The following RAI2 variants were observed in gnomAD, a reference collection of about 807,000 sequenced individuals.
RAI2 encodes the protein retinoic acid induced 2.
Under a neutral mutation model 15.3 loss-of-function variants are expected in RAI2, and 5 were observed. The observed-to-expected ratio is 0.33, with a 90% confidence interval of 0.17 to 0.69. The LOEUF is 0.69. Ranked by LOEUF, RAI2 falls within the 30% of genes least tolerant of loss-of-function variation. The pLI, the probability that RAI2 is intolerant of heterozygous loss-of-function variation, is 0.69. For missense variants in RAI2, 424 were observed against 424.7 expected, an observed-to-expected ratio of 1.00 and a Z score of 0.01; for synonymous variants, 191 against 184.0, an observed-to-expected ratio of 1.04 and a Z score of -0.31.
intron 1 of RAI2, among the ~76,000 whole-genome samples, chrX:17,806,848 TGGCC>T (rs2066986851): frequency 9.0e-6 from 1 of 110,815 alleles, no homozygotes; most frequent in South Asian, 3.9e-4. Context: ...CATCTTCACG[TGGCC>T]GGCAAGAGGT....
At chrX:17,859,356 C>T (rs776170485) in intron 1 of RAI2, among the ~76,000 whole-genome samples, 73 of 112,050 alleles carry the variant, frequency 6.5e-4, no homozygotes, top group Non-Finnish European at 1.3e-3. Flanking sequence ...GCACAGAAAA[C>T]CTTGCCTGAT....
chrX:17,844,891 T>C (rs2067438944), intron 1 of RAI2, among the ~76,000 whole-genome samples: 1 of 112,104 alleles, frequency 8.9e-6, no homozygotes, highest in African/African-American at 3.2e-5. Context: ...CAATTTTGTG[T>C]ATGTATGTAA....
chrX:17,860,700 G>A (rs910678518), intron 1 of RAI2: 51 of 111,797 alleles, frequency 4.6e-4, no homozygotes, highest in African/African-American at 1.5e-3. Flanking sequence ...ACTGCCCGGT[G>A]CGGTGCCTGG....
At chrX:17,802,163 T>A in intron 1 of RAI2, 129 bp from the exon 2 acceptor site, 1 of 833,539 alleles carries the variant, frequency 1.2e-6, no homozygotes, top group Non-Finnish European at 1.6e-6. Flanking sequence ...TCTCTCTATG[T>A]ATATGTTCAG....
chrX:17,829,982 C>T (rs2067265289), intron 1 of RAI2, among the ~76,000 whole-genome samples: 1 of 112,674 alleles, frequency 8.9e-6, no homozygotes, highest in Admixed American at 9.4e-5. Flanking sequence ...CAGACAGCAC[C>T]CAGTACCCAG....
chrX:17,815,331 A>G (rs1169491472), intron 1 of RAI2, among the ~76,000 whole-genome samples: 6 of 72,948 alleles, frequency 8.2e-5, no homozygotes, highest in African/African-American at 1.9e-4. Flanking sequence ...GTGCACACAC[A>G]CACACACACA....
At chrX:17,802,238 A>G (rs774575765) in intron 1 of RAI2, among the ~76,000 whole-genome samples, 1 of 112,242 alleles carries the variant, frequency 8.9e-6, no homozygotes, top group Non-Finnish European at 1.9e-5. Context: ...GAGAACCCCA[A>G]TTTAACAGAT....
At chrX:17,836,689 A>C (rs957774103) in intron 1 of RAI2, among the ~76,000 whole-genome samples, 1 of 112,149 alleles carries the variant, frequency 8.9e-6, no homozygotes, top group Non-Finnish European at 1.9e-5. Flanking sequence ...TGAACCCCAA[A>C]CCAGGCGATG....
At chrX:17,851,064 T>C (rs1384330510) in intron 1 of RAI2, among the ~76,000 whole-genome samples, 1 of 112,613 alleles carries the variant, frequency 8.9e-6, no homozygotes, top group Non-Finnish European at 1.9e-5. Flanking sequence ...CTTGCAGTTT[T>C]GGCTGTAAGC....
intron 1 of RAI2, among the ~76,000 whole-genome samples, chrX:17,855,013 G>T (rs1262801332): frequency 9.0e-6 from 1 of 111,572 alleles, no homozygotes; most frequent in Non-Finnish European, 1.9e-5. Flanking sequence ...ACCCAGAAAT[G>T]ATGTGATGTG....
chrX:17,860,751 A>C (rs2067677962), intron 1 of RAI2: 1 of 109,799 alleles, frequency 9.1e-6, no homozygotes, highest in African/African-American at 3.3e-5. Flanking sequence ...GCCCGATGCC[A>C]GTGCGGGCGG....
At chrX:17,808,468 T>C (rs751104274) in intron 1 of RAI2, among the ~76,000 whole-genome samples, 2 of 111,545 alleles carry the variant, frequency 1.8e-5, no homozygotes, top group South Asian at 7.5e-4. Context: ...GATTTAATTA[T>C]TCTAGGATGC....
intron 1 of RAI2, among the ~76,000 whole-genome samples, chrX:17,830,559 C>A (rs2067270908): frequency 9.4e-6 from 1 of 106,948 alleles, no homozygotes; most frequent in African/African-American, 3.4e-5. Flanking sequence ...TAAAACAATA[C>A]AAAACAACAA....
intron 1 of RAI2, among the ~76,000 whole-genome samples, chrX:17,824,688 C>CA (rs1370248401): frequency 8.9e-6 from 1 of 112,145 alleles, no homozygotes; most frequent in Non-Finnish European, 1.9e-5. Flanking sequence ...CTGGTATGAA[C>CA]AAAGGTGTCA....
At chrX:17,825,154 G>GT (rs2067211598) in intron 1 of RAI2, among the ~76,000 whole-genome samples, 1 of 111,864 alleles carries the variant, frequency 8.9e-6, no homozygotes, top group African/African-American at 3.3e-5. Flanking sequence ...AATCAAAGCA[G>GT]TGGGGGGAAA....
intron 1 of RAI2, among the ~76,000 whole-genome samples, chrX:17,806,935 AGTCCTATG>A (rs2066987645): frequency 9.0e-6 from 1 of 110,797 alleles, no homozygotes; most frequent in Non-Finnish European, 1.9e-5. Context: ...GCAAGGGGGA[AGTCCTATG>A]GTCCAATCAC....
At chrX:17,825,077 A>G (rs1457558026) in intron 1 of RAI2, among the ~76,000 whole-genome samples, 1 of 112,637 alleles carries the variant, frequency 8.9e-6, no homozygotes, top group Non-Finnish European at 1.9e-5. Context: ...AAATAGAATC[A>G]TCATTCCCTG....
chrX:17,834,471 T>A (rs991276884), intron 1 of RAI2, among the ~76,000 whole-genome samples: 11 of 110,878 alleles, frequency 9.9e-5, no homozygotes, highest in African/African-American at 3.6e-4. Context: ...ATTCGTTTTT[T>A]TTTTTAAAGA....
At position 17,800,375 on chromosome X, in the gene RAI2, C is replaced by A. The variant is rs758306900; in HGVS notation, c.*43G>T. ...ATGCCTTTTTATAAAACCAATGCAC[C>A]TTTCCCCATATTATAATCATACAAA... On this transcript the variant is annotated 3_prime_UTR_variant, in exon 2 of 2. Transcript: ENST00000451717. 1 of 1,133,946 alleles carries A rather than the reference C, an allele frequency of 8.8e-7. No homozygotes were observed. The highest frequency in any genetic ancestry group is 2.2e-5 in the South Asian group (1 of 46,488). 93.4% of individuals were successfully genotyped at this position (1,133,946 alleles called of 1,213,427 possible).
Sources: allele counts gnomAD v4.1 joint callset (sites outside exome capture counted in the v4.1 genomes callset), GRCh38; gene constraint gnomAD v4.1.1; transcripts MANE v1.5; gene names NCBI Gene and HGNC (gene_info 2026-07-23, HGNC 2026-07-21).